Variants in AXIN1 observed in about 807,000 individuals in gnomAD.
AXIN1 encodes axin-1.
AXIN1 carries 30 observed loss-of-function variants against 76.4 expected under a neutral mutation model. That is an observed-to-expected ratio of 0.39 (90% CI 0.29 to 0.53). The LOEUF is 0.53. AXIN1 is among the 20% of genes least tolerant of loss of function. The pLI is 0.66. For missense variants in AXIN1, 1,140 were observed against 1,198.8 expected (o/e 0.95, Z 0.72); for synonymous variants, 545 against 501.4 (o/e 1.09, Z -1.16).
intron 2 of AXIN1, among the ~76,000 whole-genome samples, chr16:330,264 A>G (rs2053668065): frequency 6.6e-6 from 1 of 151,152 alleles, no homozygotes; most frequent in South Asian, 2.1e-4. Context: ...GGGTCTCCCT[A>G]TGTTGCCCAG....
At chr16:314,747 A>G (rs2053261883) in intron 2 of AXIN1, 64 bp from the exon 3 acceptor site, 2 of 1,601,164 alleles carry the variant, frequency 1.2e-6, no homozygotes, top group South Asian at 1.1e-5. Flanking sequence ...TTTATTTCAC[A>G]TTTTCATGTT....
chr16:352,470 G>C lies in AXIN1; in HGVS notation c.-183C>G. On this transcript the variant is annotated 5_prime_UTR_variant, in exon 1 of 11. Coordinates refer to ENST00000262320, the MANE Select transcript of AXIN1 (RefSeq NM_003502.4). ...GCAGCGCGGCGGGCGGGACCCGGCG[G>C]GGGCGCGGCCCGGGGCGGCCCCCAT... The C allele has an allele frequency of 1.0e-6, 1 of 963,752 alleles. No individual in the cohort carries two copies. Among genetic ancestry groups the C allele is most frequent in the Non-Finnish European group, 1.2e-6 (1 of 813,264 alleles). 59.7% of individuals were successfully genotyped at this position (963,752 alleles called of 1,614,324 possible).
rs953786836 is a variant in AXIN1, at chr16:304,361, C to T, written c.1197G>A (p.Val399=). Reference sequence around the variant, plus strand: ...TCTCCTCGGCCTCCCGCGTGCGCTGCACAGCCTCCAGGCGGTGGATGAGCT... The same window carrying T: ...TCTCCTCGGCCTCCCGCGTGCGCTGTACAGCCTCCAGGCGGTGGATGAGCT... The part of the protein sequence containing the change: ...AEELIHRLEA[V]QRTREAEEKL... Residue 399 remains valine (V), a synonymous_variant, in exon 5 of 11, where the codon GTG becomes GTA. Transcript: ENST00000262320. 7 of 1,612,604 alleles carry T rather than the reference C, an allele frequency of 4.3e-6. No individual in the cohort carries two copies. The highest frequency in any genetic ancestry group is 5.9e-6 in the Non-Finnish European group (7 of 1,179,880).
chr16:330,326 A>G (rs983698344), intron 2 of AXIN1, among the ~76,000 whole-genome samples: 7 of 152,168 alleles, frequency 4.6e-5, no homozygotes, highest in Admixed American at 1.3e-4. Context: ...GGCCTCCCAA[A>G]GTGCTGGGAT....
At chr16:340,934 A>G (rs1251680107) in intron 2 of AXIN1, among the ~76,000 whole-genome samples, 2 of 152,212 alleles carry the variant, frequency 1.3e-5, no homozygotes, top group Non-Finnish European at 2.9e-5. Flanking sequence ...GGGGAACTGG[A>G]TGCCTGTGGC....
Position 319,337 on chromosome 16 carries a change from T to C in AXIN1, c.879-4654A>G, listed in dbSNP as rs2053385842. Among the ~76,000 whole-genome samples the C allele has an allele frequency of 3.3e-5, 5 of 151,914 alleles. No individual in the cohort carries two copies. The South Asian group carries it at 1.0e-3, about 32-fold the overall frequency. On this transcript the variant is annotated intron_variant, in intron 2 of 10. Transcript: ENST00000262320. ...CCAGACTCTGTCTCAAAAACAAAAA[T>C]GTCGTGGAGAGGAGGCATGAGAAGA...
rs137897147 is a variant in AXIN1, at chr16:310,023, T to C, written c.1066A>G (p.Met356Val). ...YRIRKQHRREMQESVQVNGRV... is the reference protein window; with the variant it reads ...YRIRKQHRREVQESVQVNGRV... ...CCATTGACCTGCACGCTCTCCTGCA[T>C]CTCCCTGCGGTGCTGCTTACGGATC... Residue 356 changes from methionine (M) to valine (V), a missense_variant, in exon 4 of 11, where the codon ATG becomes GTG. Physicochemically the swap from Met to Val is conservative, Grantham distance 21. Around this residue, in one of 3 missense-constraint regions of AXIN1, gnomAD observed 708 missense variants for 776.9 expected, o/e 0.91. Coordinates refer to ENST00000262320, the MANE Select transcript of AXIN1 (RefSeq NM_003502.4). 1.9e-6 allele frequency: 3 copies of C among 1,613,400 alleles called. No homozygotes were observed. Among genetic ancestry groups the C allele is most frequent in the East Asian group, 4.5e-5 (2 of 44,884 alleles).
chr16:331,134 C>G (rs768031167), intron 2 of AXIN1, among the ~76,000 whole-genome samples: 23 of 152,162 alleles, frequency 1.5e-4, no homozygotes, highest in Non-Finnish European at 2.5e-4. Flanking sequence ...GAGACCAGCT[C>G]TCAGTGCTGA....
At position 346,464 on chromosome 16, in the gene AXIN1, C is replaced by T. The variant is rs2141703515; in HGVS notation, c.562G>A (p.Glu188Lys). 1 of 1,614,186 alleles carries T rather than the reference C, an allele frequency of 6.2e-7. No homozygotes were observed. The highest frequency in any genetic ancestry group is 8.5e-7 in the Non-Finnish European group (1 of 1,180,044). ...DPAMFDQAQT[E>K]IQATMEENTY... ...TTTTCCTCCATAGTGGCCTGGATTTCGGTCTGGGCCTGGTCAAACATGGCA... is the reference window on the plus strand; with the variant it reads ...TTTTCCTCCATAGTGGCCTGGATTTTGGTCTGGGCCTGGTCAAACATGGCA... Residue 188 changes from glutamate (E) to lysine (K), a missense_variant, in exon 2 of 11, where the codon GAA becomes AAA. This residue lies in a region of AXIN1 where 708 missense variants were observed against 776.9 expected (regional missense o/e 0.91). Coordinates refer to ENST00000262320, the MANE Select transcript of AXIN1 (RefSeq NM_003502.4).
At chr16:310,954 C>A (rs1302454240) in intron 3 of AXIN1, among the ~76,000 whole-genome samples, 1 of 152,260 alleles carries the variant, frequency 6.6e-6, no homozygotes, top group Non-Finnish European at 1.5e-5. Context: ...AGGCTGCACA[C>A]TCTGCTTCTC....
At chr16:340,185 C>T (rs1008786834) in intron 2 of AXIN1, among the ~76,000 whole-genome samples, 3 of 152,180 alleles carry the variant, frequency 2.0e-5, no homozygotes, top group South Asian at 2.1e-4. Context: ...CTGCCCACCT[C>T]GAAAGGACCC....
intron 8 of AXIN1, chr16:291,666 T>C (rs915696208): frequency 8.3e-6 from 3 of 362,104 alleles, no homozygotes; most frequent in Non-Finnish European, 1.1e-5. Context: ...TCCCCACCGA[T>C]AGCGTGGACA....
intron 8 of AXIN1, chr16:292,022 C>T (rs1176990088): frequency 6.5e-6 from 1 of 154,688 alleles, no homozygotes; most frequent in Non-Finnish European, 1.4e-5. Flanking sequence ...CGGGAGTGGT[C>T]CCACGGCTCA....
At chr16:294,460 CAAAAAA>C (rs35746106) in intron 7 of AXIN1, among the ~76,000 whole-genome samples, 1 of 48,290 alleles carries the variant, frequency 2.1e-5, no homozygotes, top group Non-Finnish European at 3.7e-5. Context: ...GACTCCATCT[CAAAAAA>C]AAAAAAAAAA....
intron 2 of AXIN1, among the ~76,000 whole-genome samples, chr16:327,155 T>C (rs1319873222): frequency 6.6e-6 from 1 of 150,728 alleles, no homozygotes; most frequent in Non-Finnish European, 1.5e-5. Context: ...AAAAAAAAGA[T>C]TGCCAGCACC....
chr16:318,004 A>C (rs380530), intron 2 of AXIN1, among the ~76,000 whole-genome samples: 1 of 152,208 alleles, frequency 6.6e-6, no homozygotes, highest in South Asian at 2.1e-4. Context: ...ACACGGGTGC[A>C]TCTGTAGCCC....
chr16:289,684 G>C, intron 9 of AXIN1, 77 bp from the exon 10 acceptor site: 1 of 1,578,194 alleles, frequency 6.3e-7, no homozygotes, highest in Non-Finnish European at 8.6e-7. Flanking sequence ...GCCTCAGGCT[G>C]CCAGTGTAAG....
At chr16:311,116 CG>C (rs1361603013) in intron 3 of AXIN1, among the ~76,000 whole-genome samples, 2 of 248 alleles carry the variant, frequency 8.1e-3, no homozygotes, top group African/African-American at 0.014. Context: ...CACTGCAAGC[CG>C]CTCCCGGGTT....
At chr16:299,168 C>T in intron 5 of AXIN1, 1 of 985,418 alleles carries the variant, frequency 1.0e-6, no homozygotes, top group Non-Finnish European at 1.2e-6. Flanking sequence ...GGTGGAGTTT[C>T]ACTTGATTCT....
Sources: gnomAD v4.1 joint callset for allele counts (sites outside exome capture counted in the v4.1 genomes callset) on GRCh38, gnomAD v4.1.1 for gene constraint, gnomAD v4.1.1 regional missense constraint, MANE v1.5 for transcripts, NCBI Gene and HGNC (gene_info 2026-07-23, HGNC 2026-07-21) for gene names.